Variants in CACNA1C observed in about 807,000 individuals in gnomAD.
CACNA1C encodes calcium voltage-gated channel subunit alpha1 C, also known as voltage-dependent L-type calcium channel subunit alpha-1C.
CACNA1C carries 30 observed loss-of-function variants against 229.0 expected under a neutral mutation model. That is an observed-to-expected ratio of 0.13 (90% confidence interval 0.10 to 0.18). The LOEUF (loss-of-function observed/expected upper bound fraction) is 0.18. CACNA1C is among the 10% of genes least tolerant of loss of function. CACNA1C has a pLI of 1.00. For missense variants in CACNA1C, 1,658 were observed against 2,845.0 expected (o/e 0.58, Z 9.49); for synonymous variants, 1,114 against 1,132.5 (o/e 0.98, Z 0.33).
At chr12:2,500,226 G>T (rs7953393) in intron 7 of CACNA1C, among the ~76,000 whole-genome samples, 4 of 152,098 alleles carry the variant, frequency 2.6e-5, no homozygotes, top group Non-Finnish European at 5.9e-5. Context: ...GGGACGGCGA[G>T]GGGGACCCAT....
intron 3 of CACNA1C, among the ~76,000 whole-genome samples, chr12:2,166,023 T>C (rs1280163619): frequency 6.6e-6 from 1 of 152,254 alleles, no homozygotes; most frequent in Admixed American, 6.5e-5. Context: ...AAATAGCTTT[T>C]GATGAAACAG....
intron 5 of CACNA1C, among the ~76,000 whole-genome samples, chr12:2,477,558 C>T (rs2099636519): frequency 6.6e-6 from 1 of 152,176 alleles, no homozygotes; most frequent in Non-Finnish European, 1.5e-5. Context: ...ACCAGATGGC[C>T]TCCATCAACA....
intron 3 of CACNA1C, among the ~76,000 whole-genome samples, chr12:2,331,237 T>G (rs1384916305): frequency 6.6e-6 from 1 of 152,222 alleles, no homozygotes; most frequent in African/African-American, 2.4e-5. Flanking sequence ...CTATATCATA[T>G]GTACATGTAT....
chr12:2,024,657 A>T (rs1026427196), intron 1 of CACNA1C, among the ~76,000 whole-genome samples: 1 of 152,222 alleles, frequency 6.6e-6, no homozygotes, highest in Non-Finnish European at 1.5e-5. Flanking sequence ...CTGGGCAGCC[A>T]TGTGGGAGAG....
At chr12:2,561,216 G>A in intron 11 of CACNA1C, among the ~76,000 whole-genome samples, 1 of 152,230 alleles carries the variant, frequency 6.6e-6, no homozygotes, top group Non-Finnish European at 1.5e-5. Flanking sequence ...GCTCCGCGGA[G>A]AGGCAGGAAC....
intron 3 of CACNA1C, among the ~76,000 whole-genome samples, chr12:2,132,061 G>GT (rs1226488063): frequency 3.2e-5 from 4 of 123,392 alleles, no homozygotes; most frequent in African/African-American, 7.1e-5. Context: ...TATTCTCTTT[G>GT]AGCAATTGTG....
intron 3 of CACNA1C, among the ~76,000 whole-genome samples, chr12:2,422,610 CA>C (rs1319809006): frequency 6.6e-6 from 1 of 152,202 alleles, no homozygotes; most frequent in Non-Finnish European, 1.5e-5. Flanking sequence ...GTGTCCCCCA[CA>C]AAATTATTAA....
At chr12:2,203,454 A>C (rs12422554) in intron 3 of CACNA1C, among the ~76,000 whole-genome samples, 52,050 of 151,902 alleles carry the variant, frequency 0.34, 9,374 homozygotes, top group South Asian at 0.39. Flanking sequence ...GCATTCAATT[A>C]CCCACCCAGG....
chr12:2,027,331 A>G (rs1020423593), intron 1 of CACNA1C, among the ~76,000 whole-genome samples: 7 of 152,294 alleles, frequency 4.6e-5, no homozygotes, highest in African/African-American at 1.7e-4. Context: ...AAAGGAGATC[A>G]ATCTTTCTTC....
At chr12:2,062,494 C>G (rs997587026) in intron 1 of CACNA1C, among the ~76,000 whole-genome samples, 3 of 152,226 alleles carry the variant, frequency 2.0e-5, no homozygotes, top group Admixed American at 2.0e-4. Context: ...AACCCACTAT[C>G]TCTCTATCCT....
intron 13 of CACNA1C, among the ~76,000 whole-genome samples, chr12:2,571,615 A>G (rs2054476191): frequency 6.6e-6 from 1 of 152,250 alleles, no homozygotes; most frequent in Non-Finnish European, 1.5e-5. Context: ...TATCTTAATC[A>G]GAGAGCTTCC....
At chr12:2,550,579 T>G (rs1259877533) in intron 10 of CACNA1C, 2 of 1,351,746 alleles carry the variant, frequency 1.5e-6, no homozygotes, top group East Asian at 4.5e-5. Context: ...CCTGCTGTTC[T>G]GTTGCCTTGG....
intron 1 of CACNA1C, chr12:1,993,111 CAT>C (rs2039877691): frequency 3.2e-6 from 3 of 935,748 alleles, no homozygotes; most frequent in Non-Finnish European, 5.3e-6. Flanking sequence ...ATCATTAGGG[CAT>C]GCATTTCCTA....
intron 43 of CACNA1C, among the ~76,000 whole-genome samples, chr12:2,685,495 C>T (rs1442581424): frequency 6.6e-6 from 1 of 151,932 alleles, no homozygotes; most frequent in African/African-American, 2.4e-5. Context: ...CAAGTCAGAA[C>T]TGCAGGCTTA....
Position 2,679,181 on chromosome 12 carries a change from C to T in CACNA1C, c.5092-263C>T, listed in dbSNP as rs2096986385. Among the ~76,000 whole-genome samples the T allele has an allele frequency of 6.6e-6, 1 of 152,192 alleles. No individual in the cohort carries two copies. Among genetic ancestry groups the T allele is most frequent in the African/African-American group, 2.4e-5 (1 of 41,456 alleles). On this transcript the variant is annotated intron_variant, in intron 41 of 46. Transcript: ENST00000399655. This position sits in a 1 kb window ranked among gnomAD's most constrained non-coding sequence, Gnocchi z 5.5. ...CCAGCGGCAGCCCCTTGCCCAATCC[C>T]ATCCCCACTGGTGGGTGGGTTCTCC...
intron 9 of CACNA1C, among the ~76,000 whole-genome samples, chr12:2,521,772 G>A (rs978144998): frequency 7.2e-5 from 11 of 152,014 alleles, no homozygotes; most frequent in East Asian, 1.9e-4. Context: ...GCCTGGACTC[G>A]CAGCCACCTT....
intron 3 of CACNA1C, among the ~76,000 whole-genome samples, chr12:2,292,068 G>C (rs1473415439): frequency 1.3e-5 from 2 of 152,234 alleles, no homozygotes; most frequent in Non-Finnish European, 1.5e-5. Flanking sequence ...GACATCACTA[G>C]GACTGGAAAT....
At chr12:2,332,342 A>C (rs1251610876) in intron 3 of CACNA1C, among the ~76,000 whole-genome samples, 1 of 152,214 alleles carries the variant, frequency 6.6e-6, no homozygotes, top group Non-Finnish European at 1.5e-5. Context: ...TAAGTTTGAA[A>C]TTATTTCAAA....
intron 3 of CACNA1C, among the ~76,000 whole-genome samples, chr12:2,334,738 A>C (rs2096641906): frequency 1.3e-5 from 2 of 150,008 alleles, no homozygotes; most frequent in African/African-American, 4.9e-5. Context: ...TCAGCTATAA[A>C]ATTAAGAGAA....
Sources: gnomAD v4.1 joint callset for allele counts (sites outside exome capture counted in the v4.1 genomes callset) on GRCh38, gnomAD v4.1.1 for gene constraint, Gnocchi (gnomAD v3.1) non-coding constraint, MANE v1.5 for transcripts, NCBI Gene and HGNC (gene_info 2026-07-23, HGNC 2026-07-21) for gene names.